Variants in SCIN observed in about 807,000 individuals in gnomAD.
The protein encoded by SCIN is adseverin.
Under a neutral mutation model 91.8 loss-of-function variants are expected in SCIN, and 91 were observed. That is an observed-to-expected ratio of 0.99 (90% CI 0.84 to 1.18). The LOEUF (loss-of-function observed/expected upper bound fraction) is 1.18, where lower values mean the gene tolerates loss of function less well. Among genes scored for constraint, SCIN ranks in the 50% most tolerant of loss-of-function variants. The probability of loss-of-function intolerance (pLI) is 0.00; values close to 1 mark genes in which losing one functional copy is unlikely to be tolerated. For missense variants in SCIN, 1,087 were observed against 863.9 expected (o/e 1.26, Z -3.24); for synonymous variants, 367 against 312.6 (o/e 1.17, Z -1.84).
At chr7:12,599,670 A>G (rs963621731) in intron 3 of SCIN, among the ~76,000 whole-genome samples, 3 of 151,710 alleles carry the variant, frequency 2.0e-5, no homozygotes, top group African/African-American at 7.3e-5. Flanking sequence ...CACCACACCC[A>G]CACCAACATC....
chr7:12,643,986 C>T (rs1783905418), intron 11 of SCIN, among the ~76,000 whole-genome samples, 152 bp from the exon 12 acceptor site: 1 of 152,116 alleles, frequency 6.6e-6, no homozygotes, highest in Non-Finnish European at 1.5e-5. Flanking sequence ...GTTTAAAATA[C>T]CATAGTGGTG....
At chr7:12,641,567 T>C (rs538946156) in intron 11 of SCIN, among the ~76,000 whole-genome samples, 20 of 152,310 alleles carry the variant, frequency 1.3e-4, no homozygotes, top group African/African-American at 4.6e-4. Context: ...TCTCTCCGGC[T>C]TCTCTCTTCC....
At chr7:12,578,615 G>A (rs1782422161) in intron 2 of SCIN, among the ~76,000 whole-genome samples, 2 of 151,906 alleles carry the variant, frequency 1.3e-5, no homozygotes, top group African/African-American at 4.8e-5. Flanking sequence ...AGTAACCTAA[G>A]CCTTCAAAAT....
In SCIN at chr7:12,570,781, G is replaced by A. The variant is rs756890809; in HGVS notation, c.-6G>A. On this transcript the variant is annotated 5_prime_UTR_variant, in exon 1 of 16. Transcript: ENST00000297029. ...CGCGTCCCCCGGAGCATCGCGTGCA[G>A]GAGCCATGGCGCGGGAGCTATACCA... 11 of 1,549,986 alleles carry A rather than the reference G, an allele frequency of 7.1e-6. No homozygotes were observed. In the South Asian group the frequency reaches 1.3e-4, roughly 18 times the overall value.
intron 5 of SCIN, among the ~76,000 whole-genome samples, chr7:12,624,403 C>G (rs564844532): frequency 2.0e-5 from 3 of 152,148 alleles, no homozygotes; most frequent in Non-Finnish European, 2.9e-5. Flanking sequence ...CTAAATGTGA[C>G]AGAAGAAATT....
intron 8 of SCIN, 32 bp from the exon 9 acceptor site, chr7:12,629,069 G>A (rs1294796651): frequency 2.6e-6 from 4 of 1,542,734 alleles, no homozygotes; most frequent in African/African-American, 1.4e-5. Context: ...CAAGAAAATT[G>A]TAATTTGTTG....
rs1583326813 is a variant in SCIN at position 12,651,774 on chromosome 7, T to C, written c.1960-67T>C. Reference sequence around the variant, plus strand: ...TGAGCAATGTGTGTGTGAAGCACTTTACATAGGGCCTAGCACTGAGTCAAC... The same window carrying C: ...TGAGCAATGTGTGTGTGAAGCACTTCACATAGGGCCTAGCACTGAGTCAAC... On this transcript the variant is annotated intron_variant, in intron 14 of 15. Coordinates refer to ENST00000297029, the MANE Select transcript of SCIN (RefSeq NM_001112706.3). The surrounding 1 kb of genome is among the most constrained non-coding windows in gnomAD (Gnocchi z 5.9). 2 of 1,014,648 alleles carry C rather than the reference T, an allele frequency of 2.0e-6. No individual in the cohort carries two copies. The highest frequency in any genetic ancestry group is 5.2e-5 in the East Asian group (2 of 38,370). 62.9% of individuals were successfully genotyped at this position (1,014,648 alleles called of 1,614,324 possible). A position where few individuals can be genotyped will look rare whatever the true frequency, so the allele number is the denominator to read the frequency against.
intron 1 of SCIN, among the ~76,000 whole-genome samples, chr7:12,573,014 A>G (rs1782300079): frequency 6.6e-6 from 1 of 152,202 alleles, no homozygotes; most frequent in Non-Finnish European, 1.5e-5. Flanking sequence ...AGAGAAAAAA[A>G]AAATGAGAGT....
intron 13 of SCIN, 79 bp downstream of exon 13, chr7:12,644,784 G>T (rs1271268928): frequency 2.1e-6 from 3 of 1,427,834 alleles, no homozygotes; most frequent in East Asian, 5.2e-5. Context: ...GGGAGGCCGA[G>T]GCAGGCAGAT....
In SCIN at chr7:12,579,845, C is replaced by A. The variant is rs533620159; in HGVS notation, c.355-1215C>A. 2.1e-3 allele frequency among the ~76,000 whole-genome samples: 317 copies of A among 152,258 alleles called. 3 individuals carry two copies. The highest frequency in any genetic ancestry group is 2.7e-3 in the Non-Finnish European group (181 of 68,004). The stretch of plus-strand genomic sequence containing the variant: ...AGGAGAATTGCTTGAACCCAGGAGG[C>A]AGAGGTTGCAGTGAGGCGAGGTCAT... On this transcript the variant is annotated intron_variant, in intron 2 of 15. Transcript: ENST00000297029.
chr7:12,612,542 A>G (rs1325359589), intron 4 of SCIN, among the ~76,000 whole-genome samples: 1 of 152,024 alleles, frequency 6.6e-6, no homozygotes, highest in Non-Finnish European at 1.5e-5. Flanking sequence ...CTGAAATCCA[A>G]AGTATTACAG....
chr7:12,581,846 C>T (rs558141869), intron 3 of SCIN, among the ~76,000 whole-genome samples: 8 of 152,130 alleles, frequency 5.3e-5, no homozygotes, highest in Non-Finnish European at 1.2e-4. Flanking sequence ...TATTTCAAGA[C>T]CCTTTGCTAG....
At chr7:12,629,601 A>C (rs1783602245) in intron 9 of SCIN, among the ~76,000 whole-genome samples, 1 of 152,196 alleles carries the variant, frequency 6.6e-6, no homozygotes, top group South Asian at 2.1e-4. Flanking sequence ...TGGAACTGCA[A>C]AGTTGCAATA....
At chr7:12,613,912 A>G (rs1783246793) in intron 4 of SCIN, among the ~76,000 whole-genome samples, 1 of 152,202 alleles carries the variant, frequency 6.6e-6, no homozygotes, top group Admixed American at 6.5e-5. Flanking sequence ...TGCTGCTAAA[A>G]TATATTAATA....
chr7:12,574,953 A>T (rs1159631486), intron 1 of SCIN, among the ~76,000 whole-genome samples: 2 of 152,158 alleles, frequency 1.3e-5, no homozygotes, highest in Non-Finnish European at 2.9e-5. Flanking sequence ...TATTATGTGG[A>T]GTCTTAAAAT....
intron 3 of SCIN, among the ~76,000 whole-genome samples, chr7:12,582,357 T>A (rs1410698044): frequency 2.6e-5 from 4 of 152,198 alleles, no homozygotes; most frequent in Non-Finnish European, 5.9e-5. Flanking sequence ...TTAAGCAATA[T>A]TAATCTAACA....
rs558644756 is a variant in SCIN, at chr7:12,575,810, A to G, written c.200-2254A>G. 4.6e-5 allele frequency among the ~76,000 whole-genome samples: 7 copies of G among 152,280 alleles called. No homozygotes were observed. In the South Asian group the frequency reaches 1.0e-3, roughly 23 times the overall value. On this transcript the variant is annotated intron_variant, in intron 1 of 15. Transcript: ENST00000297029. The stretch of plus-strand genomic sequence containing the variant: ...TAAGCAGACTTTATACACAAAGTTC[A>G]TAAGTTTCTAAATACTTTCTGGAAT...
chr7:12,587,841 T>C (rs1782622406), intron 3 of SCIN, among the ~76,000 whole-genome samples: 1 of 152,264 alleles, frequency 6.6e-6, no homozygotes, highest in Middle Eastern at 3.4e-3. Flanking sequence ...CCAGACAAAC[T>C]AGTCTTACAC....
In SCIN at chr7:12,654,027, AAAG is replaced by A. The variant is rs1443691083; in HGVS notation, c.*1319_*1321del. 6.6e-6 allele frequency: 1 copy of A among 152,160 alleles called. No homozygotes were observed. The highest frequency in any genetic ancestry group is 1.5e-5 in the Non-Finnish European group (1 of 68,014). The allele number at this position is 152,160 out of a possible 1,614,324, so 9.4% of individuals were successfully genotyped here. A position where few individuals can be genotyped will look rare whatever the true frequency, so the allele number is the denominator to read the frequency against. ...CTACTAATCTATATAGGTCATTGAA[AAAG>A]AAGAAGCTACGTTAGAACCCATGGA... On this transcript the variant is annotated 3_prime_UTR_variant, in exon 16 of 16. Transcript: ENST00000297029.
Sources: allele counts gnomAD v4.1 joint callset (sites outside exome capture counted in the v4.1 genomes callset), GRCh38; gene constraint gnomAD v4.1.1; non-coding constraint Gnocchi (gnomAD v3.1); transcripts MANE v1.5; gene names NCBI Gene and HGNC (gene_info 2026-07-23, HGNC 2026-07-21).